EMC7: variants seen among roughly 807,000 people sequenced by gnomAD.
The protein encoded by EMC7 is endoplasmic reticulum membrane protein complex subunit 7.
EMC7 carries 4 observed loss-of-function variants against 24.4 expected under a neutral mutation model. The observed-to-expected ratio is 0.16, with a 90% CI of 0.08 to 0.38. The LOEUF (loss-of-function observed/expected upper bound fraction) is 0.38, where lower values mean the gene tolerates loss of function less well. Ranked by LOEUF, EMC7 falls within the 10% of genes least tolerant of loss-of-function variation. The pLI is 1.00. For missense variants in EMC7, 221 were observed against 300.6 expected (o/e 0.74, Z 1.96); for synonymous variants, 106 against 112.0 (o/e 0.95, Z 0.34).
chr15:34,097,974 A>AG (rs1293597953), intron 1 of EMC7, among the ~76,000 whole-genome samples: 2 of 151,848 alleles, frequency 1.3e-5, no homozygotes, highest in Non-Finnish European at 2.9e-5. Context: ...GTCTCAAAAA[A>AG]AAAAAAAAAA....
intron 2 of EMC7, among the ~76,000 whole-genome samples, chr15:34,092,695 A>G (rs78210278): frequency 6.6e-6 from 1 of 151,948 alleles, no homozygotes; most frequent in Non-Finnish European, 1.5e-5. Context: ...CTTTTTTTTA[A>G]TTTAACCTAT....
rs1449872519 is a variant in EMC7 at position 34,095,893 on chromosome 15, A to G, written c.356+2T>C. Reference sequence around the variant, plus strand: ...GGCAAAAATTAAATCAGGTGCCCTCACCTCATTTTTCCTTTCGAAGTGATA... The same window carrying G: ...GGCAAAAATTAAATCAGGTGCCCTCGCCTCATTTTTCCTTTCGAAGTGATA... On this transcript the variant is annotated splice_donor_variant, in intron 2 of 4. Coordinates refer to ENST00000256545, the MANE Select transcript of EMC7 (RefSeq NM_020154.3). LOFTEE classifies it high-confidence loss of function. 1 of 1,599,344 alleles carries G rather than the reference A, an allele frequency of 6.3e-7. No homozygotes were observed.
intron 2 of EMC7, 113 bp downstream of exon 2, chr15:34,095,782 G>T: frequency 1.0e-6 from 1 of 998,266 alleles, no homozygotes; most frequent in Non-Finnish European, 1.4e-6. Context: ...TTAAGGAATA[G>T]CTGTAGTTTA....
intron 2 of EMC7, among the ~76,000 whole-genome samples, chr15:34,093,914 T>C (rs1294553321): frequency 1.4e-5 from 2 of 145,230 alleles, no homozygotes; most frequent in Admixed American, 7.0e-5. Flanking sequence ...CCCAGCTACT[T>C]AGGAGGCTGA....
intron 1 of EMC7, among the ~76,000 whole-genome samples, chr15:34,101,299 C>T (rs936648076): frequency 6.6e-6 from 1 of 152,174 alleles, no homozygotes; most frequent in Non-Finnish European, 1.5e-5. Flanking sequence ...AATAAGGGTC[C>T]ACCTGTCCCC....
intron 1 of EMC7, among the ~76,000 whole-genome samples, chr15:34,099,139 CATA>C (rs1901135535): frequency 6.6e-6 from 1 of 151,962 alleles, no homozygotes; most frequent in Non-Finnish European, 1.5e-5. Context: ...TTTGGAGATA[CATA>C]ATAATGCTTT....
At chr15:34,084,514 G>C in intron 4 of EMC7, 28 bp from the exon 5 acceptor site, 4 of 1,597,084 alleles carry the variant, frequency 2.5e-6, no homozygotes, top group Non-Finnish European at 2.6e-6. Flanking sequence ...ACAATGATAT[G>C]TAGGATCCTT....
rs1417509901 is a variant in EMC7, at chr15:34,101,784, C to T, written c.56G>A (p.Gly19Glu). Residue 19 changes from glycine (G) to glutamate (E), a missense_variant, in exon 1 of 5, where the codon GGG (glycine) becomes GAG (glutamate). Gly to Glu is a moderately conservative substitution (Grantham distance 98). Transcript: ENST00000256545. ...GGGCACCTCCGAGCTCTGGACATCCCCCGATAGCAGCAGCAGCAGCAGGAC... is the reference window on the plus strand; with the variant it reads ...GGGCACCTCCGAGCTCTGGACATCCTCCGATAGCAGCAGCAGCAGCAGGAC... ...FPVLLLLLLSGDVQSSEVPGA... is the reference protein window; with the variant it reads ...FPVLLLLLLSEDVQSSEVPGA... 8.1e-6 allele frequency: 13 copies of T among 1,613,316 alleles called. No homozygotes were observed. The highest frequency in any genetic ancestry group is 1.1e-5 in the Non-Finnish European group (13 of 1,179,970).
At chr15:34,099,536 C>G (rs1901141277) in intron 1 of EMC7, among the ~76,000 whole-genome samples, 1 of 152,204 alleles carries the variant, frequency 6.6e-6, no homozygotes, top group Non-Finnish European at 1.5e-5. Context: ...AAAACAGCTA[C>G]AATACAAATT....
intron 4 of EMC7, among the ~76,000 whole-genome samples, chr15:34,087,852 C>T (rs953605981): frequency 6.6e-6 from 1 of 152,098 alleles, no homozygotes; most frequent in African/African-American, 2.4e-5. Context: ...CATCACAATA[C>T]GGTTCAAAAA....
rs745799317 is a variant in EMC7 at position 34,101,831 on chromosome 15, G to C, written c.9C>G (p.Ala3=). 29 of 1,603,498 alleles carry C rather than the reference G, an allele frequency of 1.8e-5. No homozygotes were observed. The highest frequency in any genetic ancestry group is 1.7e-4 in the Middle Eastern group (1 of 6,028). The change falls in exon 1 of 5, where the codon GCC becomes GCG. Residue 3 remains alanine (A), a synonymous_variant. Transcript: ENST00000256545. ...GGACGGGAAAGAAGCCCCACAGAGC[G>C]GCCGCCATGACAGCAGCTCTGCACT... The part of the protein sequence containing the change: MA[A]ALWGFFPVLL...
chr15:34,089,671 G>A (rs956330240), intron 3 of EMC7, among the ~76,000 whole-genome samples: 4 of 152,104 alleles, frequency 2.6e-5, no homozygotes, highest in African/African-American at 9.7e-5. Context: ...TATGCAGGCA[G>A]TATGGCTGGG....
chr15:34,088,599 C>T (rs1900928070), intron 3 of EMC7, among the ~76,000 whole-genome samples: 1 of 151,728 alleles, frequency 6.6e-6, no homozygotes, highest in South Asian at 2.1e-4. Flanking sequence ...GAAAAATGAC[C>T]TAGAAGCATC....
At chr15:34,093,806 C>CACACACACATATAT (rs61440619) in intron 2 of EMC7, among the ~76,000 whole-genome samples, 2 of 30,250 alleles carry the variant, frequency 6.6e-5, no homozygotes, top group African/African-American at 1.7e-4. Context: ...CACACACACA[C>CACACACACATATAT]ATATATATAT....
chr15:34,088,912 G>T (rs1265920007), intron 3 of EMC7, among the ~76,000 whole-genome samples: 1 of 152,056 alleles, frequency 6.6e-6, no homozygotes, highest in African/African-American at 2.4e-5. Flanking sequence ...CTGAAGTGTG[G>T]TGGTGCAATC....
At chr15:34,093,803 A>G (rs11630488) in intron 2 of EMC7, among the ~76,000 whole-genome samples, 3 of 31,056 alleles carry the variant, frequency 9.7e-5, no homozygotes, top group Admixed American at 4.4e-4. Context: ...ACACACACAC[A>G]CACATATATA....
intron 2 of EMC7, among the ~76,000 whole-genome samples, chr15:34,094,826 T>A (rs564438996): frequency 2.1e-4 from 32 of 152,302 alleles, no homozygotes; most frequent in African/African-American, 7.7e-4. Flanking sequence ...AATCCACCAA[T>A]GGACTAACAC....
At chr15:34,100,138 T>C (rs1433120849) in intron 1 of EMC7, among the ~76,000 whole-genome samples, 2 of 152,200 alleles carry the variant, frequency 1.3e-5, no homozygotes, top group African/African-American at 4.8e-5. Flanking sequence ...GCCAGGAGTT[T>C]GAGACCACAC....
intron 2 of EMC7, among the ~76,000 whole-genome samples, chr15:34,092,294 A>ACACACACACAC (rs1555523201): frequency 1.2e-4 from 3 of 24,640 alleles, no homozygotes; most frequent in Non-Finnish European, 3.5e-4. Context: ...CACACACACA[A>ACACACACACAC]AGAATTAGGA....
Sources: allele counts gnomAD v4.1 joint callset (sites outside exome capture counted in the v4.1 genomes callset), GRCh38; gene constraint gnomAD v4.1.1; transcripts MANE v1.5; gene names NCBI Gene and HGNC (gene_info 2026-07-23, HGNC 2026-07-21).